The following MGAM2 variants were observed in gnomAD, a reference collection of about 807,000 sequenced individuals.
MGAM2 encodes maltase-glucoamylase 2 (putative).
In MGAM2, 98 loss-of-function variants were observed where a neutral mutation model predicts 96.1. The observed-to-expected ratio is 1.02, with a 90% CI of 0.87 to 1.21. The LOEUF (loss-of-function observed/expected upper bound fraction) is 1.21, where lower values mean the gene tolerates loss of function less well. MGAM2 is among the 50% of genes most tolerant of loss of function. The pLI, the probability that MGAM2 is intolerant of heterozygous loss-of-function variation, is 0.00. For missense variants in MGAM2, 2,055 were observed against 1,182.4 expected (o/e 1.74, Z -10.82); for synonymous variants, 749 against 414.8 (o/e 1.81, Z -9.79).
intron 10 of MGAM2, 79 bp downstream of exon 10, chr7:142,138,746 A>G (rs1795131721): frequency 3.1e-6 from 2 of 640,912 alleles, no homozygotes; most frequent in Admixed American, 4.8e-5. Flanking sequence ...ATGTATTAGG[A>G]AAAATGTAGA....
At position 142,199,948 on chromosome 7, in the gene MGAM2, G is replaced by T; in HGVS notation, c.5117G>T (p.Trp1706Leu). The part of the protein sequence containing the change: ...DNGTAEGQVF[W>L]DDGQSIDTYE... ...GGGACAGCTGAAGGCCAGGTGTTCT[G>T]GGATGATGGACAAAGCATTGGTGAG... Residue 1706 changes from tryptophan (W) to leucine (L), a missense_variant, in exon 45 of 48, where the codon TGG (tryptophan) becomes TTG (leucine). Transcript: ENST00000477922. The T allele has an allele frequency of 1.4e-6, 1 of 691,402 alleles. No homozygotes were observed. The highest frequency in any genetic ancestry group is 2.6e-6 in the Non-Finnish European group (1 of 379,426). The allele number at this position is 691,402 out of a possible 1,614,324, so 42.8% of individuals were successfully genotyped here. A position where few individuals can be genotyped will look rare whatever the true frequency, so the allele number is the denominator to read the frequency against.
intron 30 of MGAM2, 124 bp downstream of exon 30, chr7:142,172,888 C>T (rs1796241471): frequency 1.8e-6 from 1 of 562,440 alleles, no homozygotes; most frequent in African/African-American, 1.9e-5. Flanking sequence ...ATTATTACTG[C>T]CTTTGCTGAA....
Position 142,221,913 on chromosome 7 carries a change from C to G in MGAM2, c.7402C>G (p.Pro2468Ala). The change falls in exon 48 of 48, where the codon CCT (proline) becomes GCT (alanine). Residue 2468 changes from proline (P) to alanine (A), a missense_variant. Transcript: ENST00000477922. ...AATAAATTCTGTGGCTACTTATTTACCTATTACTGCAACTAGTGCTACCAC... is the reference window on the plus strand; with the variant it reads ...AATAAATTCTGTGGCTACTTATTTAGCTATTACTGCAACTAGTGCTACCAC... ...MVINSVATYL[P>A]ITATSATTDT... The G allele has an allele frequency of 5.0e-6, 2 of 399,862 alleles. 1 individual carries two copies. Among genetic ancestry groups the G allele is most frequent in the South Asian group, 2.5e-4 (2 of 7,924 alleles). 24.8% of individuals were successfully genotyped at this position (399,862 alleles called of 1,614,324 possible).
At chr7:142,194,528 C>T (rs938624849) in intron 37 of MGAM2, among the ~76,000 whole-genome samples, 4 of 142,804 alleles carry the variant, frequency 2.8e-5, no homozygotes, top group Non-Finnish European at 6.3e-5. Context: ...TCCTCACCCC[C>T]ATTTCTTTAT....
chr7:142,158,477 T>G (rs1386637000), intron 19 of MGAM2, 145 bp downstream of exon 19: 1 of 584,740 alleles, frequency 1.7e-6, no homozygotes, highest in African/African-American at 1.9e-5. Context: ...TAGAAATTTT[T>G]TAAAAAGTAG....
intron 44 of MGAM2, 142 bp downstream of exon 44, chr7:142,198,881 G>A (rs540466662): frequency 2.0e-5 from 11 of 553,164 alleles, no homozygotes; most frequent in Admixed American, 9.3e-5. Context: ...TCCTGTGAGT[G>A]CTTTCTGAGT....
rs867494941 is a variant in MGAM2, at chr7:142,122,262, C to A, written c.186+1881C>A. On this transcript the variant is annotated intron_variant, in intron 3 of 47. Transcript: ENST00000477922. ...AAAGTAAGTTCTAGAAACCAGTTCA[C>A]TTTTTCATAAATTTCTCACCAAGTA... Among the ~76,000 whole-genome samples, 7 of 152,272 alleles carry A rather than the reference C, an allele frequency of 4.6e-5. No individual in the cohort carries two copies. In the South Asian group the frequency reaches 1.0e-3, roughly 23 times the overall value.
At chr7:142,145,063 C>A in intron 14 of MGAM2, 118 bp downstream of exon 14, 1 of 607,874 alleles carries the variant, frequency 1.6e-6, no homozygotes, top group South Asian at 2.0e-5. Context: ...TCCTAAACAT[C>A]CTGAGCACTC....
intron 19 of MGAM2, among the ~76,000 whole-genome samples, chr7:142,158,602 A>G (rs1266932071): frequency 6.6e-6 from 1 of 152,186 alleles, no homozygotes; most frequent in Non-Finnish European, 1.5e-5. Flanking sequence ...ATGGCTTTAA[A>G]TACTTTGGGG....
intron 12 of MGAM2, among the ~76,000 whole-genome samples, chr7:142,142,524 GTTTTT>G (rs746342532): frequency 1.0e-4 from 8 of 78,908 alleles, no homozygotes; most frequent in South Asian, 4.9e-4. Context: ...AGTGGTGTGT[GTTTTT>G]TTTTTTTTTT....
At chr7:142,165,292 G>C (rs1402403784) in intron 24 of MGAM2, among the ~76,000 whole-genome samples, 1 of 152,160 alleles carries the variant, frequency 6.6e-6, no homozygotes, top group Admixed American at 6.5e-5. Context: ...GAGACACTCT[G>C]ATCCCAGCTG....
intron 1 of MGAM2, among the ~76,000 whole-genome samples, chr7:142,116,334 G>C (rs1817400990): frequency 6.6e-6 from 1 of 152,178 alleles, no homozygotes; most frequent in South Asian, 2.1e-4. Context: ...CAAGACTTAT[G>C]CTGGGTATCA....
At chr7:142,165,754 C>T (rs1585179346) in intron 24 of MGAM2, among the ~76,000 whole-genome samples, 1 of 152,148 alleles carries the variant, frequency 6.6e-6, no homozygotes, top group East Asian at 1.9e-4. Context: ...TATCACAGTG[C>T]TTGGCTTGTA....
chr7:142,191,953 T>G (rs1796885350), intron 37 of MGAM2, among the ~76,000 whole-genome samples: 1 of 152,186 alleles, frequency 6.6e-6, no homozygotes, highest in Non-Finnish European at 1.5e-5. Context: ...TATTTATCTG[T>G]CCCTTTGTCT....
rs1488810007 is a variant in MGAM2, at chr7:142,196,816, G to A, written c.4632G>A (p.Arg1544=). 1.3e-6 allele frequency: 1 copy of A among 778,054 alleles called. No homozygotes were observed. Among genetic ancestry groups the A allele is most frequent in the Non-Finnish European group, 2.4e-6 (1 of 417,550 alleles). 48.2% of individuals were successfully genotyped at this position (778,054 alleles called of 1,614,324 possible). A position where few individuals can be genotyped will look rare whatever the true frequency, so the allele number is the denominator to read the frequency against. ...FSRNHNNIGT[R]RQDPVAWNST... is the part of the protein sequence containing the mutation. ...GAAACCACAACAACATCGGGACAAG[G>A]GTGAGGCAGTAGTTCGTGCTCCAGG... Residue 1544 remains arginine (R), a splice_region_variant and synonymous_variant, in exon 40 of 48, where the codon AGG becomes AGA. Transcript: ENST00000477922.
intron 16 of MGAM2, among the ~76,000 whole-genome samples, chr7:142,154,433 G>T (rs1352363700): frequency 6.6e-6 from 1 of 152,162 alleles, no homozygotes; most frequent in Non-Finnish European, 1.5e-5. Context: ...AAATGTATTA[G>T]TATCACAGGA....
At chr7:142,164,702 A>G (rs1303429781) in intron 23 of MGAM2, among the ~76,000 whole-genome samples, 154 bp from the exon 24 acceptor site, 1 of 152,170 alleles carries the variant, frequency 6.6e-6, no homozygotes, top group Non-Finnish European at 1.5e-5. Context: ...GTCTGAGTGA[A>G]CGAGTTCCCT....
intron 7 of MGAM2, among the ~76,000 whole-genome samples, chr7:142,135,398 C>T (rs1795028894): frequency 6.6e-6 from 1 of 152,108 alleles, no homozygotes; most frequent in Non-Finnish European, 1.5e-5. Context: ...GTAATGCCTT[C>T]CTGTTTTTCT....
At chr7:142,138,333 T>C (rs1795121757) in intron 9 of MGAM2, among the ~76,000 whole-genome samples, 1 of 151,544 alleles carries the variant, frequency 6.6e-6, no homozygotes, top group Non-Finnish European at 1.5e-5. Context: ...ACACCATTAC[T>C]GAAACATTTT....
Sources: gnomAD v4.1 joint callset for allele counts (sites outside exome capture counted in the v4.1 genomes callset) on GRCh38, gnomAD v4.1.1 for gene constraint, MANE v1.5 for transcripts, NCBI Gene and HGNC (gene_info 2026-07-23, HGNC 2026-07-21) for gene names.